Variants in MYO18B observed in about 807,000 individuals in gnomAD.
MYO18B encodes myosin XVIIIB, also known as unconventional myosin-XVIIIb.
A neutral mutation model predicts 273.0 loss-of-function variants in MYO18B; 204 were observed. The observed-to-expected ratio is 0.75, with a 90% confidence interval of 0.67 to 0.84. The LOEUF (loss-of-function observed/expected upper bound fraction) is 0.84, where lower values mean the gene tolerates loss of function less well. Among genes scored for constraint, MYO18B ranks in the 40% least tolerant of loss-of-function variants. MYO18B has a pLI of 0.00. For synonymous variants in MYO18B, 1,330 were observed against 1,305.7 expected (o/e 1.02, Z -0.40); for missense variants, 3,212 against 3,287.6 (o/e 0.98, Z 0.56).
chr22:25,791,833 C>T (rs920120640), intron 11 of MYO18B, among the ~76,000 whole-genome samples: 7 of 152,184 alleles, frequency 4.6e-5, no homozygotes, highest in Non-Finnish European at 7.3e-5. Flanking sequence ...ATTCTCCCAA[C>T]GGTTCTTTAA....
chr22:25,946,306 C>T, intron 35 of MYO18B, 56 bp downstream of exon 35: 1 of 1,258,652 alleles, frequency 7.9e-7, no homozygotes, highest in Non-Finnish European at 1.1e-6. Flanking sequence ...CCTCTGGGAG[C>T]TAGTGTGGGC....
chr22:26,027,764 A>G lies in MYO18B; in HGVS notation c.*12+74A>G. The G allele has an allele frequency of 9.2e-6, 13 of 1,418,370 alleles. No homozygotes were observed. The highest frequency in any genetic ancestry group is 1.2e-5 in the Non-Finnish European group (13 of 1,067,408). The allele number at this position is 1,418,370 out of a possible 1,614,324, so 87.9% of individuals were successfully genotyped here. On this transcript the variant is annotated intron_variant, in intron 43 of 43. Coordinates refer to ENST00000335473, the MANE Select transcript of MYO18B (RefSeq NM_032608.7). The surrounding 1 kb of genome is among the most constrained non-coding windows in gnomAD (Gnocchi z 4.1). ...TGCAGCCTTGGGGAGAGCAGGTGCC[A>G]CTACTGTCCTTAATGCCACAACCGA... is the stretch of plus-strand genomic sequence containing the variant.
rs1035270701 is a variant in MYO18B at position 25,883,982 on chromosome 22, A to T, written c.4314+5934A>T. On this transcript the variant is annotated intron_variant, in intron 25 of 43. Coordinates refer to ENST00000335473, the MANE Select transcript of MYO18B (RefSeq NM_032608.7). This position sits in a 1 kb window ranked among gnomAD's most constrained non-coding sequence, Gnocchi z 7.6. Reference sequence around the variant, plus strand: ...TTGGAAGCACCTGTAAGGTTTTGGGACCACATGGGATATAAAATGAGGTGG... The same window carrying T: ...TTGGAAGCACCTGTAAGGTTTTGGGTCCACATGGGATATAAAATGAGGTGG... 6.6e-6 allele frequency among the ~76,000 whole-genome samples: 1 copy of T among 151,956 alleles called. No individual in the cohort carries two copies. The highest frequency in any genetic ancestry group is 2.4e-5 in the African/African-American group (1 of 41,354).
intron 12 of MYO18B, among the ~76,000 whole-genome samples, chr22:25,815,084 T>C (rs182152291): frequency 6.6e-6 from 1 of 152,364 alleles, no homozygotes; most frequent in East Asian, 1.9e-4. Flanking sequence ...ATTATGTGCT[T>C]AGCACAGGCT....
chr22:25,810,290 G>C (rs147421735), intron 12 of MYO18B, among the ~76,000 whole-genome samples: 1 of 151,326 alleles, frequency 6.6e-6, no homozygotes, highest in East Asian at 1.9e-4. Flanking sequence ...AGTAGAGATG[G>C]GGTTTCACTG....
chr22:25,905,076 C>T (rs973630260), intron 31 of MYO18B, among the ~76,000 whole-genome samples: 3 of 151,608 alleles, frequency 2.0e-5, no homozygotes, highest in South Asian at 4.2e-4. Flanking sequence ...CTGAGGCCAC[C>T]GTTATGCGAG....
chr22:25,939,528 A>G (rs1298043884), intron 34 of MYO18B, among the ~76,000 whole-genome samples: 1 of 152,212 alleles, frequency 6.6e-6, no homozygotes, highest in East Asian at 1.9e-4. Context: ...TCGTTATTAC[A>G]GAACCAACCA....
At chr22:26,058,269 A>G in the MYO18B span, among the ~76,000 whole-genome samples, 2 of 152,222 alleles carry the variant, frequency 1.3e-5, no homozygotes, top group Admixed American at 1.3e-4. Flanking sequence ...CACAAAATCA[A>G]GATCAACCAG....
intron 39 of MYO18B, chr22:25,958,950 C>T (rs1461193445): frequency 6.6e-6 from 1 of 152,228 alleles, no homozygotes; most frequent in African/African-American, 2.4e-5. Context: ...CCATAGTTTT[C>T]ACTGTGGGTC....
intron 42 of MYO18B, among the ~76,000 whole-genome samples, chr22:26,019,047 C>T (rs1199848976): frequency 6.6e-6 from 1 of 152,234 alleles, no homozygotes; most frequent in African/African-American, 2.4e-5. Context: ...GTCTGTGCTT[C>T]ACAGTTTCTC....
intron 33 of MYO18B, among the ~76,000 whole-genome samples, chr22:25,912,309 T>C (rs2092173350): frequency 6.6e-6 from 1 of 152,202 alleles, no homozygotes; most frequent in African/African-American, 2.4e-5. Flanking sequence ...GAGGTGACTT[T>C]CCTTCAGCAT....
At chr22:25,992,245 C>T in intron 39 of MYO18B, 118 bp from the exon 40 acceptor site, 2 of 1,310,670 alleles carry the variant, frequency 1.5e-6, no homozygotes, top group East Asian at 2.3e-5. Context: ...GAACTTACCA[C>T]TTCATAGGTG....
chr22:25,784,408 G>C (rs1340961695), intron 10 of MYO18B, among the ~76,000 whole-genome samples: 3 of 152,220 alleles, frequency 2.0e-5, no homozygotes, highest in Non-Finnish European at 4.4e-5. Flanking sequence ...GTAGAGTAGG[G>C]GGCCCATTTT....
chr22:25,840,577 C>T (rs1569095190), intron 17 of MYO18B, among the ~76,000 whole-genome samples: 1 of 152,366 alleles, frequency 6.6e-6, no homozygotes, highest in East Asian at 1.9e-4. Context: ...GGGATGACGC[C>T]TGGCACAGCT....
In MYO18B at chr22:25,768,851, A is replaced by C; in HGVS notation, c.935A>C (p.Gln312Pro). 1.9e-6 allele frequency: 3 copies of C among 1,612,864 alleles called. No homozygotes were observed. Among genetic ancestry groups the C allele is most frequent in the Non-Finnish European group, 2.5e-6 (3 of 1,179,448 alleles). ...VGSEGKHVRP[Q>P]IPGRKWGGFL... ...AGTGAAGGGAAGCACGTAAGGCCCC[A>C]AATCCCTGGGAGAAAGTGGGGAGGT... Residue 312 changes from glutamine to proline, a missense_variant, in exon 4 of 44, where the codon CAA (glutamine) becomes CCA (proline). Gln to Pro is a moderately conservative substitution (Grantham distance 76, BLOSUM62 -1). Coordinates refer to ENST00000335473, the MANE Select transcript of MYO18B (RefSeq NM_032608.7).
At chr22:26,004,239 T>C (rs1460260521) in intron 41 of MYO18B, among the ~76,000 whole-genome samples, 1 of 149,614 alleles carries the variant, frequency 6.7e-6, no homozygotes, top group Non-Finnish European at 1.5e-5. Flanking sequence ...TCTGTGCCGC[T>C]TTCAGAATCA....
chr22:25,960,186 T>C (rs1490340554), intron 39 of MYO18B, among the ~76,000 whole-genome samples: 1 of 152,200 alleles, frequency 6.6e-6, no homozygotes, highest in Non-Finnish European at 1.5e-5. Flanking sequence ...AATGTACTAT[T>C]CCTGGAGACT....
chr22:25,851,837 G>T (rs1378791530), intron 21 of MYO18B, among the ~76,000 whole-genome samples: 1 of 152,186 alleles, frequency 6.6e-6, no homozygotes. Context: ...CTGAAAGCAG[G>T]ACCATGGGGG....
intron 25 of MYO18B, among the ~76,000 whole-genome samples, chr22:25,888,094 C>T (rs2091554096): frequency 6.6e-6 from 1 of 152,168 alleles, no homozygotes; most frequent in South Asian, 2.1e-4. Flanking sequence ...CTAACCCCTT[C>T]AAATCCAAGT....
Sources: allele counts gnomAD v4.1 joint callset (sites outside exome capture counted in the v4.1 genomes callset), GRCh38; gene constraint gnomAD v4.1.1; non-coding constraint Gnocchi (gnomAD v3.1); transcripts MANE v1.5; gene names NCBI Gene and HGNC (gene_info 2026-07-23, HGNC 2026-07-21).